SULT6B1: variants seen among roughly 807,000 people sequenced by gnomAD.
The protein encoded by SULT6B1 is sulfotransferase family 6B member 1.
Under a neutral mutation model 37.2 loss-of-function variants are expected in SULT6B1, and 44 were observed. The ratio of observed to expected loss-of-function variants is 1.18; its 90% CI spans 0.93 to 1.52. The LOEUF is 1.52. SULT6B1 is among the 40% of genes most tolerant of loss of function. The pLI is 0.00. For synonymous variants in SULT6B1, 140 were observed against 126.0 expected (o/e 1.11, Z -0.74); for missense variants, 450 against 361.0 (o/e 1.25, Z -2.00).
At chr2:37,176,906 T>C (rs1460541887) in intron 4 of SULT6B1, among the ~76,000 whole-genome samples, 1 of 152,174 alleles carries the variant, frequency 6.6e-6, no homozygotes, top group African/African-American at 2.4e-5. Context: ...ATTCGGCTAC[T>C]GCTGATGTGT....
At chr2:37,173,128 C>T (rs975391375) in intron 5 of SULT6B1, among the ~76,000 whole-genome samples, 3 of 152,170 alleles carry the variant, frequency 2.0e-5, no homozygotes, top group Non-Finnish European at 2.9e-5. Context: ...GCTGGGATTA[C>T]AGGCGTGAGC....
intron 2 of SULT6B1, among the ~76,000 whole-genome samples, chr2:37,186,040 C>T (rs1452676980): frequency 1.3e-5 from 2 of 152,140 alleles, no homozygotes; most frequent in African/African-American, 2.4e-5. Context: ...CTCTGAGTCC[C>T]TTTACCATGT....
chr2:37,187,142 TC>T (rs1338005618), intron 2 of SULT6B1, among the ~76,000 whole-genome samples: 2 of 152,220 alleles, frequency 1.3e-5, no homozygotes, highest in Non-Finnish European at 2.9e-5. Flanking sequence ...CTTGGGCAAG[TC>T]CCTAGCATTT....
At chr2:37,189,405 T>A (rs1189311451), upstream of SULT6B1, among the ~76,000 whole-genome samples, 3 of 152,166 alleles carry the variant, frequency 2.0e-5, no homozygotes, top group African/African-American at 7.2e-5. Flanking sequence ...TTAAAAGCTT[T>A]AGAGCAGGAA....
At chr2:37,171,625 C>T in intron 5 of SULT6B1, 35 bp from the exon 6 acceptor site, 2 of 1,599,916 alleles carry the variant, frequency 1.3e-6, no homozygotes, top group Non-Finnish European at 8.5e-7. Context: ...AAATTTCTTC[C>T]TATGGAAATT....
intron 4 of SULT6B1, among the ~76,000 whole-genome samples, chr2:37,177,602 T>G (rs1395845773): frequency 6.6e-6 from 1 of 152,062 alleles, no homozygotes; most frequent in Non-Finnish European, 1.5e-5. Context: ...AGTTATGAAT[T>G]ATTCAGTTAT....
At chr2:37,176,260 CTTT>C (rs34578951) in intron 4 of SULT6B1, among the ~76,000 whole-genome samples, 1 of 112,584 alleles carries the variant, frequency 8.9e-6, no homozygotes, top group Admixed American at 1.1e-4. Context: ...CACGCAATAG[CTTT>C]TTTTTTTTTT....
At chr2:37,168,364 GCC>G (rs1319328026) in intron 6 of SULT6B1, among the ~76,000 whole-genome samples, 2 of 152,178 alleles carry the variant, frequency 1.3e-5, no homozygotes, top group African/African-American at 4.8e-5. Flanking sequence ...CGCAATGCTG[GCC>G]AGGCTTGTCT....
At chr2:37,185,430 A>T (rs903682247) in intron 2 of SULT6B1, among the ~76,000 whole-genome samples, 1 of 152,140 alleles carries the variant, frequency 6.6e-6, no homozygotes, top group Non-Finnish European at 1.5e-5. Context: ...ATTAAAGGGC[A>T]TATTGGCCAG....
At position 37,180,259 on chromosome 2, in the gene SULT6B1, G is replaced by A. The variant is rs541265802; in HGVS notation, c.403-675C>T. ...ATGATCCAGCATGTTCCTGAATTCCGAGGAATCTGAAAACATGTGAGGCCA... is the reference window on the plus strand; with the variant it reads ...ATGATCCAGCATGTTCCTGAATTCCAAGGAATCTGAAAACATGTGAGGCCA... On this transcript the variant is annotated intron_variant, in intron 3 of 6. Coordinates refer to ENST00000535679, the MANE Select transcript of SULT6B1 (RefSeq NM_001367551.1). Among the ~76,000 whole-genome samples, 447 of 152,290 alleles carry A rather than the reference G, an allele frequency of 2.9e-3. 1 individual carries two copies. Among genetic ancestry groups the A allele is most frequent in the Non-Finnish European group, 5.0e-3 (340 of 68,014 alleles).
chr2:37,173,590 G>A (rs1676352473), intron 5 of SULT6B1, among the ~76,000 whole-genome samples: 1 of 152,060 alleles, frequency 6.6e-6, no homozygotes, highest in Admixed American at 6.6e-5. Flanking sequence ...TTCTTCACCT[G>A]CTGCCATCTC....
At chr2:37,193,224 G>A (rs1485148718), upstream of SULT6B1, among the ~76,000 whole-genome samples, 8 of 151,828 alleles carry the variant, frequency 5.3e-5, no homozygotes, top group Non-Finnish European at 1.0e-4. Context: ...GGGAGGCTGA[G>A]GCAGGCGGAT....
At chr2:37,172,644 A>T (rs1019308755) in intron 5 of SULT6B1, among the ~76,000 whole-genome samples, 1 of 151,228 alleles carries the variant, frequency 6.6e-6, no homozygotes, top group African/African-American at 2.4e-5. Context: ...AGTAGCTGGG[A>T]TTAGAGGTGT....
chr2:37,194,563 A>G, intron 1 of SULT6B1: 1 of 379,836 alleles, frequency 2.6e-6, no homozygotes, highest in Non-Finnish European at 5.2e-6. Context: ...ACACATCTGG[A>G]GTTCCCATCT....
At chr2:37,169,669 A>G (rs763118245) in intron 6 of SULT6B1, among the ~76,000 whole-genome samples, 4 of 151,978 alleles carry the variant, frequency 2.6e-5, no homozygotes, top group South Asian at 2.1e-4. Flanking sequence ...TAATTTTTAT[A>G]TTTTTGGTAG....
chr2:37,182,198 T>C (rs1197980445), intron 3 of SULT6B1, among the ~76,000 whole-genome samples: 6 of 152,172 alleles, frequency 3.9e-5, no homozygotes. Context: ...GTGCCTTTCT[T>C]TGCTCTTACC....
chr2:37,187,058 A>C (rs1421862809), intron 2 of SULT6B1, among the ~76,000 whole-genome samples: 3 of 152,222 alleles, frequency 2.0e-5, no homozygotes, highest in African/African-American at 7.2e-5. Context: ...CTGGCTATAC[A>C]GTATAGTTGT....
chr2:37,192,442 C>A (rs1301719092), upstream of SULT6B1, among the ~76,000 whole-genome samples: 2 of 152,140 alleles, frequency 1.3e-5, no homozygotes, highest in Admixed American at 6.6e-5. Context: ...TTTAAAGAAG[C>A]AGTATGTGAA....
intron 3 of SULT6B1, among the ~76,000 whole-genome samples, chr2:37,181,184 C>T (rs1676542074): frequency 6.6e-6 from 1 of 152,150 alleles, no homozygotes; most frequent in African/African-American, 2.4e-5. Flanking sequence ...AGATCTAACA[C>T]TCTTCCCTCC....
Sources: allele counts gnomAD v4.1 joint callset (sites outside exome capture counted in the v4.1 genomes callset), GRCh38; gene constraint gnomAD v4.1.1; transcripts MANE v1.5; gene names NCBI Gene and HGNC (gene_info 2026-07-23, HGNC 2026-07-21).